Variants in VAPB observed in about 807,000 individuals in gnomAD.
The protein encoded by VAPB is vesicle-associated membrane protein-associated protein B/C.
In VAPB, 7 loss-of-function variants were observed where a neutral mutation model predicts 25.6. The observed-to-expected ratio is 0.27, with a 90% CI of 0.16 to 0.51. The LOEUF is 0.51. VAPB is among the 20% of genes least tolerant of loss of function. The probability of loss-of-function intolerance (pLI) is 0.97; values close to 1 mark genes in which losing one functional copy is unlikely to be tolerated. For missense variants in VAPB, 266 were observed against 301.3 expected, an observed-to-expected ratio of 0.88 and a Z score of 0.87; for synonymous variants, 112 against 109.2, an observed-to-expected ratio of 1.03 and a Z score of -0.16.
chr20:58,398,944 T>G (rs1282916965), intron 1 of VAPB, among the ~76,000 whole-genome samples: 3 of 151,752 alleles, frequency 2.0e-5, no homozygotes, highest in African/African-American at 7.3e-5. Flanking sequence ...ATTTATTATG[T>G]TAGGAAGATG....
chr20:58,427,616 A>G (rs535701467), intron 2 of VAPB, among the ~76,000 whole-genome samples: 1 of 152,004 alleles, frequency 6.6e-6, no homozygotes, highest in Non-Finnish European at 1.5e-5. Context: ...TACCATTATG[A>G]TGCAGGTGAA....
chr20:58,443,740 G>A (rs6026275), intron 5 of VAPB, among the ~76,000 whole-genome samples: 99,198 of 151,960 alleles, frequency 0.65, 32,820 homozygotes, highest in African/African-American at 0.75. Flanking sequence ...CATGGCCATA[G>A]AGGTGGGTGG....
At position 58,426,887 on chromosome 20, in the gene VAPB, A is replaced by G. The variant is rs117708254; in HGVS notation, c.212-7715A>G. Among the ~76,000 whole-genome samples, 696 of 152,358 alleles carry G rather than the reference A, an allele frequency of 4.6e-3. 1 individual carries two copies. The highest frequency in any genetic ancestry group is 6.6e-3 in the Non-Finnish European group (450 of 68,046). The stretch of plus-strand genomic sequence containing the variant: ...AAGATAAGATTGTGAGATTAAAAAA[A>G]AGTGAAGCATGTGCTGTAGTACTTG... On this transcript the variant is annotated intron_variant, in intron 2 of 5. Transcript: ENST00000475243.
At chr20:58,426,188 A>T (rs1040973351) in intron 2 of VAPB, among the ~76,000 whole-genome samples, 34 of 151,992 alleles carry the variant, frequency 2.2e-4, no homozygotes, top group Admixed American at 8.5e-4. Context: ...GAGCCACTGC[A>T]CCTGGCCTTG....
At chr20:58,423,892 C>G (rs562268162) in intron 2 of VAPB, among the ~76,000 whole-genome samples, 23 of 152,254 alleles carry the variant, frequency 1.5e-4, no homozygotes, top group Middle Eastern at 3.4e-3. Flanking sequence ...ATGAGAGATT[C>G]TGCTTAAACA....
rs1187405811 is a variant in VAPB, at chr20:58,451,041, C to T, written c.*6806C>T. ...GAAACCTGCCCTGCCAAGGCATAAACTTTTGTACTAGCTGTCTCCATATTA... is the reference window on the plus strand; with the variant it reads ...GAAACCTGCCCTGCCAAGGCATAAATTTTTGTACTAGCTGTCTCCATATTA... On this transcript the variant is annotated 3_prime_UTR_variant, in exon 6 of 6. Coordinates refer to ENST00000475243, the MANE Select transcript of VAPB (RefSeq NM_004738.5). 2.2e-6 allele frequency: 1 copy of T among 445,582 alleles called. No homozygotes were observed. Among genetic ancestry groups the T allele is most frequent in the Non-Finnish European group, 4.5e-6 (1 of 222,176 alleles). 27.6% of individuals were successfully genotyped at this position (445,582 alleles called of 1,614,324 possible). A position where few individuals can be genotyped will look rare whatever the true frequency, so the allele number is the denominator to read the frequency against.
chr20:58,391,534 G>A (rs140191266), intron 1 of VAPB, among the ~76,000 whole-genome samples: 2 of 151,842 alleles, frequency 1.3e-5, no homozygotes, highest in Admixed American at 6.6e-5. Flanking sequence ...GATGCCACTA[G>A]TAGTTTTTTT....
At chr20:58,399,454 C>T (rs905109928) in intron 1 of VAPB, among the ~76,000 whole-genome samples, 5 of 152,066 alleles carry the variant, frequency 3.3e-5, no homozygotes, top group African/African-American at 9.7e-5. Context: ...CATGGTGGCT[C>T]ACGCCTGTAA....
intron 3 of VAPB, among the ~76,000 whole-genome samples, chr20:58,436,270 CT>C (rs988607211): frequency 1.9e-4 from 28 of 144,340 alleles, no homozygotes; most frequent in African/African-American, 6.5e-4. Context: ...ACCCATAGTT[CT>C]TTTCTACTAG....
chr20:58,404,077 T>G (rs948571293), intron 1 of VAPB, among the ~76,000 whole-genome samples: 2 of 152,198 alleles, frequency 1.3e-5, no homozygotes, highest in Non-Finnish European at 2.9e-5. Context: ...GACTCAACTT[T>G]CTGTCTCTAT....
At chr20:58,436,665 G>A (rs1401612826) in intron 3 of VAPB, among the ~76,000 whole-genome samples, 1 of 151,998 alleles carries the variant, frequency 6.6e-6, no homozygotes, top group East Asian at 1.9e-4. Context: ...TTTTTATTGT[G>A]ATATACAGAA....
At chr20:58,427,057 A>G (rs1988805319) in intron 2 of VAPB, among the ~76,000 whole-genome samples, 1 of 151,968 alleles carries the variant, frequency 6.6e-6, no homozygotes, top group South Asian at 2.1e-4. Flanking sequence ...TACCATTATG[A>G]TGCAGACGAA....
chr20:58,401,122 G>A lies in VAPB; in HGVS notation c.58+11605G>A, dbSNP rs149430504. ...AGAGAAATCCAGAGACCACTTGGTC[G>A]GCTCATTTGTATCTTTTTATTTATT... On this transcript the variant is annotated intron_variant, in intron 1 of 5. Coordinates refer to ENST00000475243, the MANE Select transcript of VAPB (RefSeq NM_004738.5). Among the ~76,000 whole-genome samples the A allele has an allele frequency of 8.2e-3, 1,242 of 152,222 alleles. 3 individuals carry two copies. Among genetic ancestry groups the A allele is most frequent in the Non-Finnish European group, 0.013 (896 of 68,008 alleles).
chr20:58,443,440 C>T (rs1437448969), intron 5 of VAPB, among the ~76,000 whole-genome samples: 1 of 130,298 alleles, frequency 7.7e-6, no homozygotes, highest in Non-Finnish European at 1.6e-5. Context: ...CTCACTCTGT[C>T]ACCCCAGGCT....
rs117933482 is a variant in VAPB, at chr20:58,396,351, T to G, written c.58+6834T>G. The stretch of plus-strand genomic sequence containing the variant: ...TAATGTGTTTCAATTACTACATTGT[T>G]GGCATTTCAGTAGGCTCCTTCAGCC... On this transcript the variant is annotated intron_variant, in intron 1 of 5. Transcript: ENST00000475243. Among the ~76,000 whole-genome samples the G allele has an allele frequency of 8.1e-3, 1,232 of 152,280 alleles. 12 individuals are homozygous for G. Among genetic ancestry groups the G allele is most frequent in the South Asian group, 0.023 (109 of 4,830 alleles).
At chr20:58,437,166 A>G (rs1243608653) in intron 3 of VAPB, among the ~76,000 whole-genome samples, 5 of 151,162 alleles carry the variant, frequency 3.3e-5, no homozygotes, top group African/African-American at 7.3e-5. Flanking sequence ...GGGTCTCACT[A>G]TGTTGCCCAG....
At chr20:58,433,428 A>C (rs1456475094) in intron 2 of VAPB, among the ~76,000 whole-genome samples, 1 of 152,166 alleles carries the variant, frequency 6.6e-6, no homozygotes, top group Non-Finnish European at 1.5e-5. Context: ...TGGGGTTTCA[A>C]GGCAAGAGAA....
chr20:58,412,427 A>G (rs574992208), intron 1 of VAPB, among the ~76,000 whole-genome samples: 1 of 152,176 alleles, frequency 6.6e-6, no homozygotes, highest in African/African-American at 2.4e-5. Flanking sequence ...TAAAAATACA[A>G]AAATTAGCCA....
At chr20:58,399,859 C>T (rs1485023606) in intron 1 of VAPB, among the ~76,000 whole-genome samples, 4 of 152,064 alleles carry the variant, frequency 2.6e-5, no homozygotes, top group Non-Finnish European at 4.4e-5. Context: ...CCTTCCCTTC[C>T]ACCACCCCAC....
Sources: allele counts gnomAD v4.1 joint callset (sites outside exome capture counted in the v4.1 genomes callset), GRCh38; gene constraint gnomAD v4.1.1; transcripts MANE v1.5; gene names NCBI Gene and HGNC (gene_info 2026-07-23, HGNC 2026-07-21).